ARID3C: variants seen among roughly 807,000 people sequenced by gnomAD.
ARID3C encodes AT-rich interactive domain-containing protein 3C.
In ARID3C, 42 loss-of-function variants were observed where a neutral mutation model predicts 37.9. The ratio of observed to expected loss-of-function variants is 1.11; its 90% CI spans 0.87 to 1.43. The LOEUF is 1.43. Among genes scored for constraint, ARID3C ranks in the 40% most tolerant of loss-of-function variants. The pLI is 0.00. For synonymous variants in ARID3C, 213 were observed against 228.0 expected (o/e 0.93, Z 0.59); for missense variants, 581 against 548.8 (o/e 1.06, Z -0.59).
chr9:34,628,044 A>C lies in ARID3C; in HGVS notation c.-30T>G. 6.9e-7 allele frequency: 1 copy of C among 1,454,522 alleles called. No homozygotes were observed. Among genetic ancestry groups the C allele is most frequent in the Non-Finnish European group, 9.1e-7 (1 of 1,103,866 alleles). 90.1% of individuals were successfully genotyped at this position (1,454,522 alleles called of 1,614,324 possible). On this transcript the variant is annotated 5_prime_UTR_variant, in exon 1 of 7. Transcript: ENST00000378909. This position sits in a 1 kb window ranked among gnomAD's most constrained non-coding sequence, Gnocchi z 5.2. ...GCTTCCAGGCGCAGTCCCCCAGCTGAGGGGGTCCCTGGTACCAGGCGGGAC... is the reference window on the plus strand; with the variant it reads ...GCTTCCAGGCGCAGTCCCCCAGCTGCGGGGGTCCCTGGTACCAGGCGGGAC...
At position 34,622,542 on chromosome 9, in the gene ARID3C, G is replaced by T; in HGVS notation, c.866-13C>A. 1 of 1,580,148 alleles carries T rather than the reference G, an allele frequency of 6.3e-7. No homozygotes were observed. The highest frequency in any genetic ancestry group is 8.6e-7 in the Non-Finnish European group (1 of 1,162,882). Reference sequence around the variant, plus strand: ...ATTCCACTCTCCTCTAGAAGAACAGGTTATTCAGCTCCCCTGGCCAAACCA... The same window carrying T: ...ATTCCACTCTCCTCTAGAAGAACAGTTTATTCAGCTCCCCTGGCCAAACCA... On this transcript the variant is annotated splice_polypyrimidine_tract_variant and intron_variant, in intron 4 of 6. Coordinates refer to ENST00000378909, the Ensembl canonical transcript of ARID3C.
chr9:34,629,016 G>T (rs1322193606), upstream of ARID3C, among the ~76,000 whole-genome samples: 1 of 151,908 alleles, frequency 6.6e-6, no homozygotes, highest in Non-Finnish European at 1.5e-5. Context: ...CCGGCGGTGC[G>T]CTCCCGCCGC....
chr9:34,631,207 G>A (rs991726233), upstream of ARID3C, among the ~76,000 whole-genome samples: 1 of 152,202 alleles, frequency 6.6e-6, no homozygotes, highest in Non-Finnish European at 1.5e-5. Context: ...GGAAATTCCA[G>A]TTCTGAGTGT....
exon 4 of ARID3C, chr9:34,623,709 A>G: frequency 6.5e-7 from 1 of 1,545,134 alleles, no homozygotes; most frequent in Non-Finnish European, 8.7e-7. Flanking sequence ...CAGGTACTTC[A>G]TGTACCTAGG....
intron 2 of ARID3C, among the ~76,000 whole-genome samples, chr9:34,625,120 C>T (rs1178991215): frequency 6.6e-6 from 1 of 152,144 alleles, no homozygotes; most frequent in Non-Finnish European, 1.5e-5. Flanking sequence ...TCAGGCTGCG[C>T]TCTGAGTGAG....
At position 34,621,414 on chromosome 9, in the gene ARID3C, C is replaced by A. The variant is rs760812117; in HGVS notation, c.*44G>T. The A allele has an allele frequency of 3.7e-6, 5 of 1,333,480 alleles. No individual in the cohort carries two copies. The South Asian group carries it at 4.7e-5, about 12-fold the overall frequency. 82.6% of individuals were successfully genotyped at this position (1,333,480 alleles called of 1,614,324 possible). ...GAATCAAAGCAGGGGGTCTCCTCCC[C>A]CCTCAGCAATGGGGCTGGGACTCTT... On this transcript the variant is annotated 3_prime_UTR_variant, in exon 7 of 7. Coordinates refer to ENST00000378909, the Ensembl canonical transcript of ARID3C.
chr9:34,624,025 G>T, exon 3 of ARID3C: 1 of 1,596,322 alleles, frequency 6.3e-7, no homozygotes, highest in East Asian at 2.2e-5. Flanking sequence ...TCGCCATGAT[G>T]GGCACGCGGT....
intron 1 of ARID3C, 42 bp downstream of exon 2, chr9:34,627,655 G>C (rs1382093924): frequency 2.0e-6 from 3 of 1,532,084 alleles, no homozygotes; most frequent in Non-Finnish European, 1.8e-6. Flanking sequence ...CCAGAAGAGA[G>C]AGATAGGGAA....
chr9:34,631,828 C>G (rs1455793837), upstream of ARID3C, among the ~76,000 whole-genome samples: 1 of 152,232 alleles, frequency 6.6e-6, no homozygotes, highest in African/African-American at 2.4e-5. Context: ...ATGCAGTCAT[C>G]TGAAGGCTTG....
upstream of ARID3C, among the ~76,000 whole-genome samples, chr9:34,629,995 TC>T (rs1820709132): frequency 6.6e-6 from 1 of 152,102 alleles, no homozygotes; most frequent in Non-Finnish European, 1.5e-5. Flanking sequence ...ACTCCTGACC[TC>T]AAGTGATCCA....
chr9:34,622,005 C>T lies in ARID3C; in HGVS notation c.1138+15G>A. 1.2e-6 allele frequency: 2 copies of T among 1,613,296 alleles called. No homozygotes were observed. Among genetic ancestry groups the T allele is most frequent in the Non-Finnish European group, 1.7e-6 (2 of 1,179,274 alleles). On this transcript the variant is annotated intron_variant, in intron 6 of 6. Transcript: ENST00000378909. ...CTGACCCCATGCCAGTGTAGACAGC[C>T]TGCAGTACCCATACCAGTGTAGACC...
rs1334414839 is a variant in ARID3C at position 34,623,147 on chromosome 9, C to CAA, written c.865+276_865+277dup. Among the ~76,000 whole-genome samples, 463 of 72,402 alleles carry CAA rather than the reference C, an allele frequency of 6.4e-3. 6 individuals are homozygous for CAA. Among genetic ancestry groups the CAA allele is most frequent in the African/African-American group, 0.016 (289 of 17,928 alleles). 47.5% of individuals were successfully genotyped at this position (72,402 alleles called of 152,430 possible). On this transcript the variant is annotated intron_variant, in intron 4 of 6. Coordinates refer to ENST00000378909, the Ensembl canonical transcript of ARID3C. Reference sequence around the variant, plus strand: ...GGCGACGGAACGAGACTCCGTCTCACAAAAAAAAAAAAAAAAGAAAAAAAG... The same window carrying CAA: ...GGCGACGGAACGAGACTCCGTCTCACAAAAAAAAAAAAAAAAAAGAAAAAAAG...
At chr9:34,627,996 G>C (rs1290451444) in exon 1 of ARID3C, 1 of 1,506,556 alleles carries the variant, frequency 6.6e-7, no homozygotes, top group African/African-American at 1.4e-5. Flanking sequence ...GCTGCCTGCT[G>C]CTTCTGCAGG....
At chr9:34,621,145 G>A (rs1162299240), downstream of ARID3C, among the ~76,000 whole-genome samples, 2 of 152,308 alleles carry the variant, frequency 1.3e-5, no homozygotes, top group Middle Eastern at 3.4e-3. Context: ...CTGAAGAGAA[G>A]CAGGGCTGAC....
At chr9:34,621,271 T>G, downstream of ARID3C, 1 of 475,022 alleles carries the variant, frequency 2.1e-6, no homozygotes. Flanking sequence ...AGGGAGGAGG[T>G]GCCCTCCCTT....
In ARID3C at chr9:34,627,468, C is replaced by T. The variant is rs370871724; in HGVS notation, c.318+229G>A. 1.7e-4 allele frequency among the ~76,000 whole-genome samples: 26 copies of T among 152,242 alleles called. No homozygotes were observed. The East Asian group carries it at 4.6e-3, about 27-fold the overall frequency. On this transcript the variant is annotated intron_variant, in intron 1 of 6. Transcript: ENST00000378909. ...GACCGGCCTGGGCAATACAAGAAAA[C>T]CTTGTCTTTACAAAAGAAATTTTAA...
At chr9:34,630,093 G>A (rs74413924), upstream of ARID3C, among the ~76,000 whole-genome samples, 5,408 of 152,254 alleles carry the variant, frequency 0.036, 136 homozygotes, top group South Asian at 0.11. Context: ...ACATAGACAA[G>A]TGAATAGTAT....
rs1564091219 is a variant in ARID3C at position 34,624,059 on chromosome 9, C to T, written c.392-12G>A. On this transcript the variant is annotated splice_polypyrimidine_tract_variant and intron_variant, in intron 2 of 6. Coordinates refer to ENST00000378909, the Ensembl canonical transcript of ARID3C. ...GTTCACTGGCGTCCCTGGTGGGGAG[C>T]GGGCTGCCGTCAGGACACTGAGACG... is the stretch of plus-strand genomic sequence containing the variant. 1 of 1,571,982 alleles carries T rather than the reference C, an allele frequency of 6.4e-7. No homozygotes were observed. The highest frequency in any genetic ancestry group is 1.8e-5 in the Admixed American group (1 of 57,038).
In ARID3C at chr9:34,628,086, C is replaced by G; in HGVS notation, c.-72G>C. Reference sequence around the variant, plus strand: ...AGGCGGGACCCCGAGGAAAGGGCCGCCTGTGGGGGAGGGAATTATGGGTGC... The same window carrying G: ...AGGCGGGACCCCGAGGAAAGGGCCGGCTGTGGGGGAGGGAATTATGGGTGC... On this transcript the variant is annotated 5_prime_UTR_variant, in exon 1 of 7. Transcript: ENST00000378909. This position sits in a 1 kb window ranked among gnomAD's most constrained non-coding sequence, Gnocchi z 5.2. The G allele has an allele frequency of 7.0e-7, 1 of 1,437,438 alleles. No individual in the cohort carries two copies. The highest frequency in any genetic ancestry group is 9.1e-7 in the Non-Finnish European group (1 of 1,099,308). 89.0% of individuals were successfully genotyped at this position (1,437,438 alleles called of 1,614,324 possible).
Sources: allele counts gnomAD v4.1 joint callset (sites outside exome capture counted in the v4.1 genomes callset), GRCh38; gene constraint gnomAD v4.1.1; non-coding constraint Gnocchi (gnomAD v3.1); transcripts MANE v1.5; gene names NCBI Gene and HGNC (gene_info 2026-07-23, HGNC 2026-07-21).